Variants in RABL6 observed in about 807,000 individuals in gnomAD.
RABL6 encodes RAB, member RAS oncogene family like 6, also known as rab-like protein 6.
Under a neutral mutation model 72.9 loss-of-function variants are expected in RABL6, and 28 were observed. The observed-to-expected ratio is 0.38, with a 90% confidence interval of 0.28 to 0.53. The LOEUF (loss-of-function observed/expected upper bound fraction) is 0.53. RABL6 is among the 20% of genes least tolerant of loss of function. The pLI is 0.80. For missense variants in RABL6, 1,029 were observed against 1,008.4 expected, an observed-to-expected ratio of 1.02 and a Z score of -0.28; for synonymous variants, 477 against 421.2, an observed-to-expected ratio of 1.13 and a Z score of -1.62.
rs187468519 is a variant in RABL6, at chr9:136,833,750, T to G, written c.705+1380T>G. 5,391 of 1,550,496 alleles carry G rather than the reference T, an allele frequency of 3.5e-3. 23 individuals carry two copies. Among genetic ancestry groups the G allele is most frequent in the Non-Finnish European group, 3.6e-3 (4,109 of 1,146,946 alleles). ...TGTCAGGCTTGCCCAGGAAAGGGGC[T>G]GTGCTGTCGTCCTGGTGTCAGAAGA... is the stretch of plus-strand genomic sequence containing the variant. On this transcript the variant is annotated intron_variant, in intron 7 of 14. Transcript: ENST00000311502.
chr9:136,825,482 T>TGC (rs1848335386), intron 2 of RABL6, among the ~76,000 whole-genome samples: 2 of 33,352 alleles, frequency 6.0e-5, no homozygotes, highest in Non-Finnish European at 1.3e-4. Flanking sequence ...ATCGGGGCCC[T>TGC]GGAGGGAGGG....
chr9:136,825,865 C>T (rs377381037), intron 3 of RABL6, 39 bp downstream of exon 3: 10 of 1,584,146 alleles, frequency 6.3e-6, no homozygotes, highest in African/African-American at 2.7e-5. Context: ...CTCTCTGGGA[C>T]TGTGTGCTCT....
intron 1 of RABL6, chr9:136,813,245 G>T: frequency 1.8e-6 from 1 of 549,410 alleles, no homozygotes. Flanking sequence ...GGAATTTAAA[G>T]CTGCTTTATC....
At chr9:136,813,673 G>GGT in intron 1 of RABL6, 1 of 223,356 alleles carries the variant, frequency 4.5e-6, no homozygotes, top group South Asian at 6.1e-5. Flanking sequence ...GGAGTGCAGT[G>GGT]GCCGTGATCT....
At chr9:136,832,047 T>C in intron 6 of RABL6, 186 bp downstream of exon 6, 1 of 1,021,922 alleles carries the variant, frequency 9.8e-7, no homozygotes, top group Admixed American at 2.8e-5. Flanking sequence ...AACTGTGTGC[T>C]GGGGAACTGT....
intron 1 of RABL6, chr9:136,821,338 A>G (rs896748001): frequency 1.0e-6 from 1 of 985,038 alleles, no homozygotes; most frequent in African/African-American, 1.7e-5. Context: ...CACTCCCGGG[A>G]AAGACCCGGA....
chr9:136,831,501 C>T (rs1004817253), intron 5 of RABL6, among the ~76,000 whole-genome samples: 2 of 152,198 alleles, frequency 1.3e-5, no homozygotes, highest in African/African-American at 2.4e-5. Flanking sequence ...AAGTACCTGC[C>T]GTCAGGGAGA....
intron 5 of RABL6, among the ~76,000 whole-genome samples, chr9:136,831,223 C>T (rs1003589697): frequency 6.6e-5 from 10 of 152,162 alleles, no homozygotes; most frequent in African/African-American, 1.9e-4. Context: ...ACTTGCCGTC[C>T]GTGCCAGGAG....
chr9:136,813,842 C>G, intron 1 of RABL6: 1 of 225,412 alleles, frequency 4.4e-6, no homozygotes, highest in Non-Finnish European at 8.9e-6. Context: ...GTCTTGATCT[C>G]CTGACCTCGT....
chr9:136,833,472 C>T (rs1195877078), intron 7 of RABL6: 1 of 532,048 alleles, frequency 1.9e-6, no homozygotes, highest in Non-Finnish European at 3.4e-6. Context: ...ACCTCCTCGC[C>T]CTGGGCTGCC....
At position 136,840,511 on chromosome 9, in the gene RABL6, G is replaced by A. The variant is rs1245136762; in HGVS notation, c.2179G>A (p.Glu727Lys). 19 of 1,517,490 alleles carry A rather than the reference G, an allele frequency of 1.3e-5. No individual in the cohort carries two copies. The highest frequency in any genetic ancestry group is 7.6e-5 in the East Asian group (3 of 39,642). The allele number at this position is 1,517,490 out of a possible 1,614,324, so 94.0% of individuals were successfully genotyped here. ...CCGCCACCCTGGGGGTGGCGACTAC[G>A]AGGAGCTCTAGGCCGGCGTGGGCAG... ...GGRHPGGGDY[E>K]EL Residue 727 changes from glutamate to lysine, a missense_variant, in exon 15 of 15, where the codon GAG becomes AAG. Glu to Lys is a moderately conservative substitution (Grantham distance 56, BLOSUM62 1). Around this residue, in one of 2 missense-constraint regions of RABL6, gnomAD observed 595 missense variants for 472.4 expected, o/e 1.26. Coordinates refer to ENST00000311502, the MANE Select transcript of RABL6 (RefSeq NM_024718.5).
chr9:136,833,793 G>A, intron 7 of RABL6: 2 of 1,550,508 alleles, frequency 1.3e-6, no homozygotes, highest in Non-Finnish European at 1.7e-6. Flanking sequence ...ATGCCTGCAG[G>A]CTGGGACTGC....
chr9:136,824,300 G>C (rs1265587547), intron 2 of RABL6, among the ~76,000 whole-genome samples: 2 of 131,998 alleles, frequency 1.5e-5, no homozygotes, highest in African/African-American at 5.6e-5. Flanking sequence ...TTGTTTGTTT[G>C]TTCGTTTGTT....
At chr9:136,839,905 T>C (rs1284670566) in intron 13 of RABL6, 40 bp downstream of exon 13, 12 of 1,590,694 alleles carry the variant, frequency 7.5e-6, no homozygotes, top group Non-Finnish European at 1.0e-5. Flanking sequence ...CTGCTGGAGT[T>C]TGGGTAGAAC....
At chr9:136,839,512 G>A in intron 12 of RABL6, 26 bp downstream of exon 12, 1 of 1,592,624 alleles carries the variant, frequency 6.3e-7, no homozygotes, top group Non-Finnish European at 8.6e-7. Flanking sequence ...CCGGGGCAGA[G>A]GTCAGCCAGG....
rs377162280 is a variant in RABL6, at chr9:136,833,731, G to T, written c.705+1361G>T. The T allele has an allele frequency of 2.8e-5, 44 of 1,550,436 alleles. No homozygotes were observed. The East Asian group carries it at 5.4e-4, about 19-fold the overall frequency. Reference sequence around the variant, plus strand: ...TGGTCTTTCTCCAGAAGGATGTCAGGCTTGCCCAGGAAAGGGGCTGTGCTG... The same window carrying T: ...TGGTCTTTCTCCAGAAGGATGTCAGTCTTGCCCAGGAAAGGGGCTGTGCTG... On this transcript the variant is annotated intron_variant, in intron 7 of 14. Coordinates refer to ENST00000311502, the MANE Select transcript of RABL6 (RefSeq NM_024718.5).
At chr9:136,832,604 C>T (rs1028640121) in intron 7 of RABL6, 1 of 584,150 alleles carries the variant, frequency 1.7e-6, no homozygotes, top group African/African-American at 1.9e-5. Flanking sequence ...TCTGCGGGGA[C>T]CCCTTGCTCA....
At chr9:136,821,837 T>G (rs1848244165) in intron 1 of RABL6, 18 of 1,194,830 alleles carry the variant, frequency 1.5e-5, no homozygotes, top group Middle Eastern at 3.8e-4. Context: ...TTCCGCGGGG[T>G]GGGCTCGGCC....
At chr9:136,825,898 T>TC (rs1848345136) in intron 3 of RABL6, 72 bp downstream of exon 3, 1 of 1,529,568 alleles carries the variant, frequency 6.5e-7, no homozygotes, top group Non-Finnish European at 9.0e-7. Flanking sequence ...TTCCTTTCTT[T>TC]CCCCCGGCGC....
Sources: allele counts gnomAD v4.1 joint callset (sites outside exome capture counted in the v4.1 genomes callset), GRCh38; gene constraint gnomAD v4.1.1; regional missense constraint gnomAD v4.1.1; transcripts MANE v1.5; gene names NCBI Gene and HGNC (gene_info 2026-07-23, HGNC 2026-07-21).